NUDT1: variants seen among roughly 807,000 people sequenced by gnomAD.
NUDT1 encodes the protein oxidized purine nucleoside triphosphate hydrolase.
A neutral mutation model predicts 11.3 loss-of-function variants in NUDT1; 16 were observed. That is an observed-to-expected ratio of 1.41 (90% CI 0.96 to 2.15). The LOEUF (loss-of-function observed/expected upper bound fraction) is 2.15. Among genes scored for constraint, NUDT1 ranks in the 30% most tolerant of loss-of-function variants. The probability of loss-of-function intolerance (pLI) is 0.00; values close to 1 mark genes in which losing one functional copy is unlikely to be tolerated. For missense variants in NUDT1, 234 were observed against 208.4 expected (o/e 1.12, Z -0.76); for synonymous variants, 101 against 84.4 (o/e 1.20, Z -1.08).
intron 2 of NUDT1, among the ~76,000 whole-genome samples, chr7:2,246,916 C>G (rs571241634): frequency 6.6e-6 from 1 of 152,122 alleles, no homozygotes; most frequent in Non-Finnish European, 1.5e-5. Context: ...CGTGCCCAGC[C>G]GAGACCCTGT....
intron 1 of NUDT1, chr7:2,242,464 C>A: frequency 2.2e-6 from 1 of 461,994 alleles, no homozygotes. Context: ...ACAAGGAGAG[C>A]GGGGCGGAGG....
At chr7:2,248,625 C>T in intron 2 of NUDT1, among the ~76,000 whole-genome samples, 1 of 149,670 alleles carries the variant, frequency 6.7e-6, no homozygotes, top group Non-Finnish European at 1.5e-5. Flanking sequence ...AATCCCAGCT[C>T]ACTGCAGCCT....
At chr7:2,248,982 T>C (rs550726126) in intron 2 of NUDT1, among the ~76,000 whole-genome samples, 2 of 151,990 alleles carry the variant, frequency 1.3e-5, no homozygotes, top group Admixed American at 1.3e-4. Context: ...GGGTGATGAG[T>C]TTATGGCGTT....
At chr7:2,242,750 C>CT (rs1048794803) in intron 1 of NUDT1, 15 of 477,534 alleles carry the variant, frequency 3.1e-5, no homozygotes, top group Non-Finnish European at 5.2e-5. Flanking sequence ...GACAGGCAGG[C>CT]TGAGGGGCTC....
intron 2 of NUDT1, 95 bp from the exon 3 acceptor site, chr7:2,249,762 G>A: frequency 6.5e-7 from 1 of 1,533,224 alleles, no homozygotes; most frequent in Non-Finnish European, 8.9e-7. Context: ...GGCTCCCTGG[G>A]CTGTGTGTAG....
At chr7:2,250,496 C>T (rs888301290) in intron 3 of NUDT1, among the ~76,000 whole-genome samples, 7 of 152,222 alleles carry the variant, frequency 4.6e-5, no homozygotes, top group East Asian at 1.9e-4. Flanking sequence ...CTCGCTCTGT[C>T]GCCCAGGCTG....
At chr7:2,244,414 G>C (rs1272681649) in intron 1 of NUDT1, 149 bp from the exon 2 acceptor site, 2 of 742,918 alleles carry the variant, frequency 2.7e-6, no homozygotes, top group Non-Finnish European at 4.2e-6. Flanking sequence ...CCTGCCACAA[G>C]GGAAGCCACA....
At chr7:2,250,146 G>A in intron 3 of NUDT1, 144 bp downstream of exon 3, 2 of 1,091,924 alleles carry the variant, frequency 1.8e-6, no homozygotes, top group East Asian at 2.6e-5. Flanking sequence ...CCAGCGTGGG[G>A]CCCATGAGCC....
chr7:2,242,473 G>T (rs955544277), intron 1 of NUDT1: 3 of 481,890 alleles, frequency 6.2e-6, no homozygotes, highest in Non-Finnish European at 1.1e-5. Flanking sequence ...GCGGGGCGGA[G>T]GCTTGGGGGA....
In NUDT1 at chr7:2,250,002, GGTGA is replaced by G; in HGVS notation, c.298+3_298+6del. On this transcript the variant is annotated splice_donor_variant and splice_donor_region_variant and intron_variant, in intron 3 of 3. Transcript: ENST00000356714. LOFTEE classifies it high-confidence loss of function. ...CCAGGGGACCCCCGTGGAGAGCGACGGTGAGTCTCACAGGGCCTGCTCCCCCTCC... is the reference window on the plus strand; with the variant it reads ...CCAGGGGACCCCCGTGGAGAGCGACGGTCTCACAGGGCCTGCTCCCCCTCC... 1 of 1,613,920 alleles carries G rather than the reference GGTGA, an allele frequency of 6.2e-7. No homozygotes were observed.
intron 1 of NUDT1, among the ~76,000 whole-genome samples, chr7:2,243,518 A>G (rs543752232): frequency 5.5e-4 from 83 of 152,224 alleles, no homozygotes; most frequent in African/African-American, 1.9e-3. Flanking sequence ...CACGCCTGTA[A>G]TCTCAGCACT....
chr7:2,243,018 G>A (rs746510534), intron 1 of NUDT1: 2 of 717,132 alleles, frequency 2.8e-6, no homozygotes, highest in Admixed American at 2.0e-5. Flanking sequence ...CTCAGCAGAT[G>A]GGGGAGCCAG....
intron 2 of NUDT1, among the ~76,000 whole-genome samples, chr7:2,246,949 T>A (rs972496805): frequency 1.3e-5 from 2 of 151,776 alleles, no homozygotes. Context: ...AAGAAAAAAA[T>A]CCTTCGTTGG....
chr7:2,251,037 G>T lies in NUDT1; in HGVS notation c.*36G>T, dbSNP rs35573651. On this transcript the variant is annotated 3_prime_UTR_variant, in exon 4 of 4. Coordinates refer to ENST00000356714, the MANE Select transcript of NUDT1 (RefSeq NM_002452.4). ...GGGCAGCCCCTGGGCAGGAGACGTG[G>T]CTGCTGAACAGCCGCAAACCATCTT... is the stretch of plus-strand genomic sequence containing the variant. 1.4e-3 allele frequency: 2,272 copies of T among 1,610,952 alleles called. 33 individuals are homozygous for T. The African/African-American group carries it at 0.027, about 19-fold the overall frequency.
intron 2 of NUDT1, among the ~76,000 whole-genome samples, chr7:2,247,584 C>T (rs1303626402): frequency 3.9e-5 from 6 of 152,232 alleles, no homozygotes; most frequent in African/African-American, 1.2e-4. Flanking sequence ...ACGCCACGGA[C>T]GCTGCACCAC....
intron 2 of NUDT1, chr7:2,249,446 C>T (rs35766874): frequency 1.5e-5 from 4 of 266,540 alleles, no homozygotes; most frequent in South Asian, 8.2e-5. Context: ...TGCTCAGCCG[C>T]GGAAAAGCAA....
intron 1 of NUDT1, 185 bp from the exon 2 acceptor site, chr7:2,244,378 A>G: frequency 1.8e-6 from 1 of 561,940 alleles, no homozygotes; most frequent in Non-Finnish European, 3.1e-6. Context: ...ACCCCAGAAA[A>G]TCACTGGTTC....
chr7:2,250,027 C>T, intron 3 of NUDT1, 25 bp downstream of exon 3: 1 of 1,613,090 alleles, frequency 6.2e-7, no homozygotes, highest in Admixed American at 1.7e-5. Flanking sequence ...GCCTGCTCCC[C>T]CTCCCCACTA....
chr7:2,250,752 C>T (rs1794983897), intron 3 of NUDT1, 77 bp from the exon 4 acceptor site: 15 of 1,570,804 alleles, frequency 9.5e-6, no homozygotes, highest in Non-Finnish European at 1.3e-5. Flanking sequence ...GCCACCGCGC[C>T]CGGCCAAAAA....
Sources: allele counts gnomAD v4.1 joint callset (sites outside exome capture counted in the v4.1 genomes callset), GRCh38; gene constraint gnomAD v4.1.1; transcripts MANE v1.5; gene names NCBI Gene and HGNC (gene_info 2026-07-23, HGNC 2026-07-21).